Variants in DGKB observed in about 807,000 individuals in gnomAD.
DGKB encodes 90 kDa diacylglycerol kinase.
Under a neutral mutation model 114.3 loss-of-function variants are expected in DGKB, and 67 were observed. The ratio of observed to expected loss-of-function variants is 0.59; its 90% CI spans 0.48 to 0.72. DGKB has a LOEUF of 0.72. Among genes scored for constraint, DGKB ranks in the 30% least tolerant of loss-of-function variants. The pLI, the probability that DGKB is intolerant of heterozygous loss-of-function variation, is 0.00. For missense variants in DGKB, 907 were observed against 975.2 expected, an observed-to-expected ratio of 0.93 and a Z score of 0.93; for synonymous variants, 398 against 323.1, an observed-to-expected ratio of 1.23 and a Z score of -2.49.
At chr7:14,613,572 T>C (rs1563680365) in intron 15 of DGKB, among the ~76,000 whole-genome samples, 159 bp from the exon 16 acceptor site, 2 of 134,866 alleles carry the variant, frequency 1.5e-5, no homozygotes, top group Non-Finnish European at 3.4e-5. Flanking sequence ...TGTGCGTGTG[T>C]GTGCGTGTGT....
chr7:14,920,423 C>T (rs2158481), intron 1 of DGKB, among the ~76,000 whole-genome samples: 59,262 of 151,994 alleles, frequency 0.39, 14,429 homozygotes, highest in East Asian at 0.92. Flanking sequence ...TATTAGGTAA[C>T]TGCAAATTAT....
At chr7:14,830,437 A>G (rs1425948501) in intron 2 of DGKB, among the ~76,000 whole-genome samples, 1 of 152,108 alleles carries the variant, frequency 6.6e-6, no homozygotes, top group African/African-American at 2.4e-5. Context: ...GAGGCTGTAA[A>G]CCAGAAATAT....
intron 23 of DGKB, among the ~76,000 whole-genome samples, chr7:14,317,432 C>G (rs1806796391): frequency 6.7e-6 from 1 of 148,858 alleles, no homozygotes; most frequent in Non-Finnish European, 1.5e-5. Flanking sequence ...GCAACTTCAG[C>G]AAAGTCTCAG....
At chr7:14,560,363 T>C (rs1422889810) in intron 20 of DGKB, among the ~76,000 whole-genome samples, 1 of 152,156 alleles carries the variant, frequency 6.6e-6, no homozygotes, top group Non-Finnish European at 1.5e-5. Context: ...TAATTTTCCA[T>C]TTCCCCCTCT....
chr7:14,343,071 C>A (rs1465952064), intron 22 of DGKB, among the ~76,000 whole-genome samples: 2 of 150,194 alleles, frequency 1.3e-5, no homozygotes, highest in Non-Finnish European at 3.0e-5. Flanking sequence ...TATAAAATAA[C>A]CTTGAGGGTA....
Position 14,182,331 on chromosome 7 carries a change from C to T in DGKB, c.2123-4180G>A, listed in dbSNP as rs888597846. On this transcript the variant is annotated intron_variant, in intron 23 of 25. Transcript: ENST00000402815. The stretch of plus-strand genomic sequence containing the variant: ...AGATTTTAATTTGTTAATAAGAAAG[C>T]ATATATATCTCTAAATCAAAATTTC... Among the ~76,000 whole-genome samples the T allele has an allele frequency of 4.0e-5, 6 of 151,340 alleles. No homozygotes were observed. In the East Asian group the frequency reaches 1.2e-3, roughly 29 times the overall value.
Position 14,520,210 on chromosome 7 carries a change from A to ATTT in DGKB, c.1771-41988_1771-41986dup, listed in dbSNP as rs386409562. Among the ~76,000 whole-genome samples, 33 of 119,122 alleles carry ATTT rather than the reference A, an allele frequency of 2.8e-4. 5 individuals carry two copies. Among genetic ancestry groups the ATTT allele is most frequent in the East Asian group, 1.5e-3 (6 of 4,028 alleles). 78.1% of individuals were successfully genotyped at this position (119,122 alleles called of 152,430 possible). A position where few individuals can be genotyped will look rare whatever the true frequency, so the allele number is the denominator to read the frequency against. On this transcript the variant is annotated intron_variant, in intron 20 of 25. Coordinates refer to ENST00000402815, the MANE Select transcript of DGKB (RefSeq NM_001350709.2). ...ATTATTGACTTTTATCTTTTTTCCT[A>ATTT]TTTTTTTTTTTTTTTTGCAGGAGGC...
chr7:14,451,231 G>A (rs570404054), intron 21 of DGKB, among the ~76,000 whole-genome samples: 1 of 152,226 alleles, frequency 6.6e-6, no homozygotes, highest in East Asian at 1.9e-4. Flanking sequence ...TTGGTAGACA[G>A]AGTAAAGCAG....
intron 1 of DGKB, among the ~76,000 whole-genome samples, chr7:14,967,606 C>A (rs1216281894): frequency 6.7e-6 from 1 of 148,324 alleles, no homozygotes; most frequent in African/African-American, 2.5e-5. Context: ...CAGGTGCGAG[C>A]CACCGCGCCC....
intron 20 of DGKB, among the ~76,000 whole-genome samples, chr7:14,552,824 G>A (rs1795293411): frequency 6.6e-6 from 1 of 152,178 alleles, no homozygotes. Context: ...CTACCAACAT[G>A]TTAACCAGAA....
intron 20 of DGKB, among the ~76,000 whole-genome samples, chr7:14,508,978 AT>A (rs1320533987): frequency 6.6e-6 from 1 of 152,200 alleles, no homozygotes; most frequent in African/African-American, 2.4e-5. Flanking sequence ...TTAATCTAGC[AT>A]GAAGAAAACA....
intron 21 of DGKB, among the ~76,000 whole-genome samples, chr7:14,407,377 T>C (rs1057033978): frequency 1.3e-5 from 2 of 152,056 alleles, no homozygotes; most frequent in Non-Finnish European, 2.9e-5. Context: ...TATCAGACTG[T>C]GGTTTGACTA....
chr7:14,730,451 A>G (rs927419383), intron 5 of DGKB, among the ~76,000 whole-genome samples: 5 of 152,182 alleles, frequency 3.3e-5, no homozygotes, highest in African/African-American at 1.2e-4. Flanking sequence ...TAAGACTGAC[A>G]CTTTAGCTGA....
intron 23 of DGKB, among the ~76,000 whole-genome samples, chr7:14,277,930 T>G (rs1799272951): frequency 6.6e-6 from 1 of 152,236 alleles, no homozygotes. Flanking sequence ...CACACTAACC[T>G]TTGTTATCTT....
intron 2 of DGKB, among the ~76,000 whole-genome samples, chr7:14,769,114 AAAGAAAGAAAGAG>A (rs1562487405): frequency 1.5e-4 from 19 of 125,806 alleles, no homozygotes; most frequent in African/African-American, 6.9e-4. Flanking sequence ...AGAAAGAAAG[AAAGAAAGAAAGAG>A]AGAGAGAGAA....
chr7:14,538,520 T>G (rs1792905658), intron 20 of DGKB, among the ~76,000 whole-genome samples: 1 of 152,134 alleles, frequency 6.6e-6, no homozygotes, highest in Non-Finnish European at 1.5e-5. Flanking sequence ...ATCGGAATGC[T>G]TGTATACTTT....
At chr7:14,535,603 T>C (rs778996320) in intron 20 of DGKB, among the ~76,000 whole-genome samples, 4 of 152,254 alleles carry the variant, frequency 2.6e-5, no homozygotes, top group South Asian at 4.1e-4. Context: ...TAAAATTCAT[T>C]TGGAGACGGA....
intron 23 of DGKB, among the ~76,000 whole-genome samples, chr7:14,229,260 T>G (rs1159291269): frequency 6.6e-6 from 1 of 151,972 alleles, no homozygotes; most frequent in Non-Finnish European, 1.5e-5. Flanking sequence ...ACAACAGGGA[T>G]ACATTCTGAT....
At chr7:14,368,591 G>GTGTA (rs1182510683) in intron 21 of DGKB, among the ~76,000 whole-genome samples, 4 of 151,778 alleles carry the variant, frequency 2.6e-5, no homozygotes, top group African/African-American at 9.7e-5. Flanking sequence ...GTGTGTGTGT[G>GTGTA]TGTGTGTATG....
Sources: allele counts gnomAD v4.1 joint callset (sites outside exome capture counted in the v4.1 genomes callset), GRCh38; gene constraint gnomAD v4.1.1; transcripts MANE v1.5; gene names NCBI Gene and HGNC (gene_info 2026-07-23, HGNC 2026-07-21).